The following DNAH14 variants were observed in gnomAD, a reference collection of about 807,000 sequenced individuals.
DNAH14 encodes dynein axonemal heavy chain 14.
In DNAH14, 478 loss-of-function variants were observed where a neutral mutation model predicts 520.9. The observed-to-expected ratio is 0.92, with a 90% confidence interval of 0.85 to 0.99. The LOEUF (loss-of-function observed/expected upper bound fraction) is 0.99, where lower values mean the gene tolerates loss of function less well. DNAH14 is among the 50% of genes least tolerant of loss of function. DNAH14 has a pLI of 0.00. For missense variants in DNAH14, 4,831 were observed against 5,234.5 expected, an observed-to-expected ratio of 0.92 and a Z score of 2.38; for synonymous variants, 1,581 against 1,757.2, an observed-to-expected ratio of 0.90 and a Z score of 2.51.
intron 84 of DNAH14, among the ~76,000 whole-genome samples, chr1:225,392,803 G>A (rs572269935): frequency 7.2e-5 from 11 of 152,292 alleles, no homozygotes; most frequent in East Asian, 3.9e-4. Flanking sequence ...GCTCATGGCC[G>A]AAATTCCTGC....
intron 21 of DNAH14, among the ~76,000 whole-genome samples, chr1:225,087,169 T>G (rs2073914084): frequency 6.6e-6 from 1 of 152,222 alleles, no homozygotes; most frequent in African/African-American, 2.4e-5. Flanking sequence ...CTTATGGTTC[T>G]GGAGGCTGGG....
At chr1:224,968,639 T>G in intron 6 of DNAH14, 120 bp from the exon 7 acceptor site, 1 of 636,524 alleles carries the variant, frequency 1.6e-6, no homozygotes, top group Non-Finnish European at 2.5e-6. Flanking sequence ...AGAAAAAGCT[T>G]AATTATAAAG....
chr1:225,015,128 G>A (rs926726558), intron 10 of DNAH14, among the ~76,000 whole-genome samples: 41 of 152,056 alleles, frequency 2.7e-4, no homozygotes, highest in African/African-American at 6.7e-4. Context: ...GCTTGATTTC[G>A]GTTTTTGTTT....
rs2093068270 is a variant in DNAH14, at chr1:225,265,212, C to G, written c.7253C>G (p.Thr2418Ser). The change falls in exon 48 of 86, where the codon ACT (threonine) becomes AGT (serine). Residue 2418 changes from threonine (T) to serine (S), a missense_variant. Physicochemically the swap from Thr to Ser is moderately conservative, Grantham distance 58. Transcript: ENST00000682510. ...DNPTKKPEVRTNKKLLKNNDH... is the reference protein window; with the variant it reads ...DNPTKKPEVRSNKKLLKNNDH... ...CCCACTAAAAAGCCAGAAGTTAGAACTAATAAAAAGTTACTTAAAAATAAT... is the reference window on the plus strand; with the variant it reads ...CCCACTAAAAAGCCAGAAGTTAGAAGTAATAAAAAGTTACTTAAAAATAAT... 3.3e-6 allele frequency: 5 copies of G among 1,498,868 alleles called. No individual in the cohort carries two copies. The highest frequency in any genetic ancestry group is 4.4e-6 in the Non-Finnish European group (5 of 1,129,800). 92.8% of individuals were successfully genotyped at this position (1,498,868 alleles called of 1,614,324 possible). A position where few individuals can be genotyped will look rare whatever the true frequency, so the allele number is the denominator to read the frequency against.
At chr1:225,081,794 A>G (rs1199734858) in intron 19 of DNAH14, among the ~76,000 whole-genome samples, 1 of 151,910 alleles carries the variant, frequency 6.6e-6, no homozygotes, top group African/African-American at 2.4e-5. Flanking sequence ...TGAACCTTCC[A>G]CTCCATAGGT....
At chr1:225,193,484 G>C (rs1230933911) in intron 38 of DNAH14, among the ~76,000 whole-genome samples, 2 of 152,092 alleles carry the variant, frequency 1.3e-5, no homozygotes, top group African/African-American at 4.8e-5. Context: ...AAGCCTGGCA[G>C]TTCAAGACCA....
chr1:225,348,911 T>C (rs1415673014), intron 71 of DNAH14, among the ~76,000 whole-genome samples: 1 of 152,204 alleles, frequency 6.6e-6, no homozygotes, highest in Non-Finnish European at 1.5e-5. Flanking sequence ...ATATGCAATA[T>C]ATAAAAATGT....
Position 224,955,064 on chromosome 1 carries a change from A to G in DNAH14, c.183A>G (p.Thr61=). Residue 61 remains threonine (T), a synonymous_variant, in exon 3 of 86, where the codon ACA becomes ACG. Transcript: ENST00000682510. The stretch of plus-strand genomic sequence containing the variant: ...CATTGGAATATAAAACAGTTAGAAC[A>G]TTCTCTGAATCTTTGAAGTCAGAGA... The part of the protein sequence containing the change: ...KETLEYKTVR[T]FSESLKSEKT... 6.2e-7 allele frequency: 1 copy of G among 1,611,220 alleles called. No homozygotes were observed. Among genetic ancestry groups the G allele is most frequent in the Non-Finnish European group, 8.5e-7 (1 of 1,178,404 alleles).
intron 59 of DNAH14, among the ~76,000 whole-genome samples, chr1:225,307,954 C>T (rs10495236): frequency 0.18 from 27,973 of 152,148 alleles, 2,958 homozygotes; most frequent in East Asian, 0.34. Flanking sequence ...TTGTGTGTAA[C>T]GCATGAAATA....
intron 40 of DNAH14, 50 bp downstream of exon 40, chr1:225,206,229 A>G: frequency 1.4e-6 from 2 of 1,422,180 alleles, no homozygotes; most frequent in Non-Finnish European, 1.9e-6. Flanking sequence ...GTTGTTTATG[A>G]TAGTAACTAT....
In DNAH14 at chr1:225,259,037, G is replaced by T. The variant is rs904293454; in HGVS notation, c.7025-84G>T. 20 of 1,333,864 alleles carry T rather than the reference G, an allele frequency of 1.5e-5. No individual in the cohort carries two copies. In the African/African-American group the frequency reaches 2.0e-4, roughly 14 times the overall value. 82.6% of individuals were successfully genotyped at this position (1,333,864 alleles called of 1,614,324 possible). On this transcript the variant is annotated intron_variant, in intron 45 of 85. Coordinates refer to ENST00000682510, the MANE Select transcript of DNAH14 (RefSeq NM_001367479.1). ...CTTTTTATGCAATTTTCAATTGAGGGAGAATGTTATTGGTTCATTTTAATG... is the reference window on the plus strand; with the variant it reads ...CTTTTTATGCAATTTTCAATTGAGGTAGAATGTTATTGGTTCATTTTAATG...
rs1484941916 is a variant in DNAH14 at position 225,063,710 on chromosome 1, G to A, written c.2424+11915G>A. ...ATAGTTCTATGGGAAATGAGAAGGT[G>A]GAGAGACAAAAGTTATCTGAAAAAT... On this transcript the variant is annotated intron_variant, in intron 17 of 85. Coordinates refer to ENST00000682510, the MANE Select transcript of DNAH14 (RefSeq NM_001367479.1). Among the ~76,000 whole-genome samples the A allele has an allele frequency of 2.0e-5, 3 of 152,118 alleles. No individual in the cohort carries two copies. The East Asian group carries it at 5.8e-4, about 29-fold the overall frequency.
At chr1:224,988,085 GT>G (rs935533926) in intron 8 of DNAH14, among the ~76,000 whole-genome samples, 1 of 151,364 alleles carries the variant, frequency 6.6e-6, no homozygotes, top group African/African-American at 2.4e-5. Context: ...GCCCCAGTGT[GT>G]TGTTTCCCTC....
At chr1:225,044,880 A>G (rs985972188) in intron 15 of DNAH14, among the ~76,000 whole-genome samples, 20 of 152,108 alleles carry the variant, frequency 1.3e-4, no homozygotes, top group African/African-American at 3.6e-4. Flanking sequence ...ATTCTAAACA[A>G]CTGTGCTCTC....
At chr1:225,038,936 C>T in intron 12 of DNAH14, 113 bp downstream of exon 12, 1 of 891,294 alleles carries the variant, frequency 1.1e-6, no homozygotes, top group Non-Finnish European at 1.6e-6. Flanking sequence ...CCCAACATAC[C>T]CTCGCCAACA....
At chr1:225,124,689 G>A (rs1460146750) in intron 27 of DNAH14, among the ~76,000 whole-genome samples, 1 of 152,044 alleles carries the variant, frequency 6.6e-6, no homozygotes, top group African/African-American at 2.4e-5. Context: ...TCGTCCATGA[G>A]AGTTGAAATC....
chr1:225,104,035 C>A (rs3101911), intron 23 of DNAH14, among the ~76,000 whole-genome samples: 30,661 of 151,908 alleles, frequency 0.2, 6,434 homozygotes, highest in African/African-American at 0.53. Context: ...TTTGTCATAG[C>A]TAGCTCTTAT....
At chr1:225,007,932 T>C (rs552435119) in intron 10 of DNAH14, among the ~76,000 whole-genome samples, 344 of 151,534 alleles carry the variant, frequency 2.3e-3, no homozygotes, top group African/African-American at 7.9e-3. Flanking sequence ...TTTTTCTTTT[T>C]TTTTTTTTAT....
Position 225,207,171 on chromosome 1 carries a change from T to G in DNAH14, c.6390T>G (p.Ile2130Met). The stretch of plus-strand genomic sequence containing the variant: ...CAGTCGTCATAACCCTCTGCAGAAT[T>G]CTTGATGCTTTCTTTGACTTCATGG... ...DITVVITLCR[I>M]LDAFFDFMGK... Residue 2130 changes from isoleucine (I) to methionine (M), a missense_variant, in exon 41 of 86, where the codon ATT becomes ATG. By Grantham distance (10) the Ile-to-Met change is conservative (BLOSUM62 1). Coordinates refer to ENST00000682510, the MANE Select transcript of DNAH14 (RefSeq NM_001367479.1). The G allele has an allele frequency of 2.6e-6, 4 of 1,538,390 alleles. No homozygotes were observed. Among genetic ancestry groups the G allele is most frequent in the Non-Finnish European group, 3.5e-6 (4 of 1,141,628 alleles).
Sources: gnomAD v4.1 joint callset for allele counts (sites outside exome capture counted in the v4.1 genomes callset) on GRCh38, gnomAD v4.1.1 for gene constraint, MANE v1.5 for transcripts, NCBI Gene and HGNC (gene_info 2026-07-23, HGNC 2026-07-21) for gene names.